The following MINAR1 variants were observed in gnomAD, a reference collection of about 807,000 sequenced individuals.
MINAR1 encodes the protein major intrinsically disordered Notch2-binding receptor 1.
Under a neutral mutation model 65.1 loss-of-function variants are expected in MINAR1, and 40 were observed. The observed-to-expected ratio is 0.61, with a 90% CI of 0.48 to 0.80. MINAR1 has a LOEUF of 0.80. MINAR1 is among the 30% of genes least tolerant of loss of function. The pLI is 0.00. For synonymous variants in MINAR1, 482 were observed against 449.1 expected, an observed-to-expected ratio of 1.07 and a Z score of -0.93; for missense variants, 1,128 against 1,148.0, an observed-to-expected ratio of 0.98 and a Z score of 0.25.
chr15:79,439,545 T>A (rs1420309520), intron 1 of MINAR1, among the ~76,000 whole-genome samples: 5 of 151,600 alleles, frequency 3.3e-5, no homozygotes, highest in Middle Eastern at 6.8e-3. Flanking sequence ...GGGTAGATAG[T>A]GTCGGATGTG....
chr15:79,432,312 TGTG>T (rs1301613940), upstream of MINAR1, among the ~76,000 whole-genome samples: 1 of 47,602 alleles, frequency 2.1e-5, no homozygotes, highest in Non-Finnish European at 4.1e-5. Flanking sequence ...GCGCCGCGCG[TGTG>T]AGCGCCGCGC....
At chr15:79,464,866 TTGATTCTCCCTCCGGTGGAATATTTCA>T (rs140577426) in intron 3 of MINAR1, among the ~76,000 whole-genome samples, 11,459 of 152,052 alleles carry the variant, frequency 0.075, 606 homozygotes, top group East Asian at 0.23. Context: ...AGACAGGGAT[TTGATTCTCCCTCCGGTGGAATATTTCA>T]TGATTCTCCC....
At chr15:79,435,064 C>T (rs549631475) in intron 1 of MINAR1, among the ~76,000 whole-genome samples, 4 of 152,258 alleles carry the variant, frequency 2.6e-5, no homozygotes, top group East Asian at 3.9e-4. Flanking sequence ...CACCTGAGGT[C>T]GGGAGTTCAA....
intron 1 of MINAR1, among the ~76,000 whole-genome samples, chr15:79,454,982 A>G (rs1895362020): frequency 6.6e-6 from 1 of 152,216 alleles, no homozygotes; most frequent in South Asian, 2.1e-4. Context: ...TATTTGGAAG[A>G]AGTGTACAGA....
rs570642252 is a variant in MINAR1, at chr15:79,460,195, G to A, written c.2298+1750G>A. Reference sequence around the variant, plus strand: ...TCTGCAACCTCATTTCTCCTTCCTGGCTTGTGACTCTCACCACCTTGGGGA... The same window carrying A: ...TCTGCAACCTCATTTCTCCTTCCTGACTTGTGACTCTCACCACCTTGGGGA... On this transcript the variant is annotated intron_variant, in intron 2 of 3. Coordinates refer to ENST00000305428, the MANE Select transcript of MINAR1 (RefSeq NM_015206.3). Among the ~76,000 whole-genome samples, 5 of 152,184 alleles carry A rather than the reference G, an allele frequency of 3.3e-5. No individual in the cohort carries two copies. In the South Asian group the frequency reaches 1.0e-3, roughly 32 times the overall value.
intron 1 of MINAR1, among the ~76,000 whole-genome samples, chr15:79,453,823 C>T (rs1293241867): frequency 1.3e-5 from 2 of 152,156 alleles, no homozygotes; most frequent in Non-Finnish European, 2.9e-5. Flanking sequence ...GGGTTTTTGA[C>T]CTGGGATTTC....
the MINAR1 span, chr15:79,417,360 A>G: frequency 6.6e-6 from 1 of 152,220 alleles, no homozygotes; most frequent in Non-Finnish European, 1.5e-5. Context: ...AATCCTTTCT[A>G]ATCAGCACAG....
chr15:79,456,293 T>C lies in MINAR1; in HGVS notation c.146T>C (p.Val49Ala). The change falls in exon 2 of 4, where the codon GTG (valine) becomes GCG (alanine). Residue 49 changes from valine (V) to alanine (A), a missense_variant. By Grantham distance (64) the Val-to-Ala change is moderately conservative. Transcript: ENST00000305428. ...TCGCAGCTTGCCAAACTGAGAAGTGTGCTCTTCTACACAGCTTGTCTCGAT... is the reference window on the plus strand; with the variant it reads ...TCGCAGCTTGCCAAACTGAGAAGTGCGCTCTTCTACACAGCTTGTCTCGAT... ...DLSQLAKLRSVLFYTACLDPN... is the reference protein window; with the variant it reads ...DLSQLAKLRSALFYTACLDPN... 1.2e-6 allele frequency: 2 copies of C among 1,614,180 alleles called. No individual in the cohort carries two copies. The highest frequency in any genetic ancestry group is 1.7e-6 in the Non-Finnish European group (2 of 1,180,038).
At chr15:79,459,359 T>C (rs906854728) in intron 2 of MINAR1, among the ~76,000 whole-genome samples, 1 of 152,192 alleles carries the variant, frequency 6.6e-6, no homozygotes, top group Non-Finnish European at 1.5e-5. Context: ...AGTCCTAGAA[T>C]CATTGTGCAC....
chr15:79,443,719 T>C (rs1249724017), intron 1 of MINAR1, among the ~76,000 whole-genome samples: 1 of 152,220 alleles, frequency 6.6e-6, no homozygotes, highest in East Asian at 1.9e-4. Context: ...GTGGATAAAC[T>C]CATTTATTCC....
chr15:79,462,046 C>G (rs1238644131), intron 2 of MINAR1, among the ~76,000 whole-genome samples: 2 of 152,128 alleles, frequency 1.3e-5, no homozygotes, highest in East Asian at 3.9e-4. Context: ...TCCTTTTTCT[C>G]TTGCTATTAC....
At chr15:79,454,550 T>A (rs1895347292) in intron 1 of MINAR1, among the ~76,000 whole-genome samples, 1 of 152,246 alleles carries the variant, frequency 6.6e-6, no homozygotes, top group African/African-American at 2.4e-5. Context: ...CGCATCTATG[T>A]TTATCAACAA....
At position 79,456,352 on chromosome 15, in the gene MINAR1, A is replaced by G; in HGVS notation, c.205A>G (p.Met69Val). The part of the protein sequence containing the change: ...NFPATLFKDK[M>V]KCTVNNQQSK... ...TCCAGCCACGCTATTCAAAGACAAG[A>G]TGAAATGCACTGTGAATAACCAGCA... Residue 69 changes from methionine (M) to valine (V), a missense_variant, in exon 2 of 4, where the codon ATG (methionine) becomes GTG (valine). Coordinates refer to ENST00000305428, the MANE Select transcript of MINAR1 (RefSeq NM_015206.3). 1 of 1,614,248 alleles carries G rather than the reference A, an allele frequency of 6.2e-7. No homozygotes were observed. Among genetic ancestry groups the G allele is most frequent in the South Asian group, 1.1e-5 (1 of 91,084 alleles).
At chr15:79,459,291 G>C (rs2865232) in intron 2 of MINAR1, among the ~76,000 whole-genome samples, 8,551 of 152,190 alleles carry the variant, frequency 0.056, 411 homozygotes, top group East Asian at 0.29. Context: ...TTGTTCGTTG[G>C]AGGCTCTTTC....
At chr15:79,420,026 C>A in the MINAR1 span, 61 of 152,210 alleles carry the variant, frequency 4.0e-4, no homozygotes, top group Middle Eastern at 6.8e-3. Flanking sequence ...AACACCTGAA[C>A]AAATTGTAGT....
chr15:79,456,531 C>T lies in MINAR1; in HGVS notation c.384C>T (p.Ile128=). 1 of 1,614,100 alleles carries T rather than the reference C, an allele frequency of 6.2e-7. No homozygotes were observed. Among genetic ancestry groups the T allele is most frequent in the Non-Finnish European group, 8.5e-7 (1 of 1,180,054 alleles). ...AATCATGTAGGTCGGACACAGAGAT[C>T]TGCAATGCAGCTGAGTGTGAGCCCC... is the stretch of plus-strand genomic sequence containing the variant. ...SFESCRSDTE[I]CNAAECEPLN... is the part of the protein sequence containing the mutation. The change falls in exon 2 of 4, where the codon ATC becomes ATT. Residue 128 remains isoleucine, a synonymous_variant. Coordinates refer to ENST00000305428, the MANE Select transcript of MINAR1 (RefSeq NM_015206.3).
At chr15:79,458,740 G>A (rs1895534951) in intron 2 of MINAR1, among the ~76,000 whole-genome samples, 1 of 152,178 alleles carries the variant, frequency 6.6e-6, no homozygotes, top group Non-Finnish European at 1.5e-5. Context: ...TCATAGAATG[G>A]GGAACGTATC....
upstream of MINAR1, among the ~76,000 whole-genome samples, chr15:79,429,580 G>A (rs186100780): frequency 3.3e-5 from 5 of 152,342 alleles, no homozygotes; most frequent in South Asian, 2.1e-4. Context: ...TCTTGTCTTC[G>A]TGATCTGGTG....
Position 79,463,184 on chromosome 15 carries a change from A to G in MINAR1, c.2416A>G (p.Met806Val), listed in dbSNP as rs752334981. ...HPYPASLKAH[M>V]KSNPLYTDMR... Reference sequence around the variant, plus strand: ...CTACCCTGCCTCCCTCAAGGCCCACATGAAGAGCAACCCCCTGTACACAGA... The same window carrying G: ...CTACCCTGCCTCCCTCAAGGCCCACGTGAAGAGCAACCCCCTGTACACAGA... The change falls in exon 3 of 4, where the codon ATG becomes GTG. Residue 806 changes from methionine (M) to valine (V), a missense_variant. Met to Val is a conservative substitution (Grantham distance 21). Transcript: ENST00000305428. 1 of 1,614,246 alleles carries G rather than the reference A, an allele frequency of 6.2e-7. No homozygotes were observed. Among genetic ancestry groups the G allele is most frequent in the Non-Finnish European group, 8.5e-7 (1 of 1,180,046 alleles).
Sources: gnomAD v4.1 joint callset for allele counts (sites outside exome capture counted in the v4.1 genomes callset) on GRCh38, gnomAD v4.1.1 for gene constraint, MANE v1.5 for transcripts, NCBI Gene and HGNC (gene_info 2026-07-23, HGNC 2026-07-21) for gene names.